Variants in TRIP13 observed in about 807,000 individuals in gnomAD.
The protein encoded by TRIP13 is pachytene checkpoint protein 2 homolog.
Under a neutral mutation model 54.4 loss-of-function variants are expected in TRIP13, and 25 were observed. The ratio of observed to expected loss-of-function variants is 0.46; its 90% confidence interval spans 0.33 to 0.64. TRIP13 has a LOEUF of 0.64. Ranked by LOEUF, TRIP13 falls within the 30% of genes least tolerant of loss-of-function variation. The pLI is 0.02. For synonymous variants in TRIP13, 207 were observed against 207.8 expected (o/e 1.00, Z 0.03); for missense variants, 373 against 534.2 (o/e 0.70, Z 2.97).
chr5:919,119 G>A (rs188028850), downstream of TRIP13: 84 of 152,336 alleles, frequency 5.5e-4, no homozygotes, highest in African/African-American at 1.9e-3. Context: ...TAGCTTGGAA[G>A]GCATGACAGA....
chr5:914,601 A>C, intron 11 of TRIP13, 24 bp downstream of exon 11: 1 of 1,560,002 alleles, frequency 6.4e-7, no homozygotes, highest in Non-Finnish European at 8.8e-7. Flanking sequence ...TCATTTTTGT[A>C]ATCAAGAAGA....
At position 915,808 on chromosome 5, in the gene TRIP13, TGTGTTCCCAGGGATGCCTCGGCCA is replaced by T. The variant is rs1195678948; in HGVS notation, c.1134-95_1134-72del. On this transcript the variant is annotated intron_variant, in intron 11 of 12. Coordinates refer to ENST00000166345, the MANE Select transcript of TRIP13 (RefSeq NM_004237.4). The surrounding 1 kb of genome is among the most constrained non-coding windows in gnomAD (Gnocchi z 4.2). ...AGGGTGTGCTTGGGACGCCTCGGCT[TGTGTTCCCAGGGATGCCTCGGCCA>T]ATGAGGAAAATTAGTCCTGAAACGT... 1 of 1,349,344 alleles carries T rather than the reference TGTGTTCCCAGGGATGCCTCGGCCA, an allele frequency of 7.4e-7. No homozygotes were observed. Among genetic ancestry groups the T allele is most frequent in the Non-Finnish European group, 1.1e-6 (1 of 942,830 alleles). 83.6% of individuals were successfully genotyped at this position (1,349,344 alleles called of 1,614,324 possible).
Position 912,540 on chromosome 5 carries a change from C to T in TRIP13, c.1020+544C>T, listed in dbSNP as rs1394835147. ...AAGGCCGTCGCCACGGGCAGAGCGA[C>T]GCGTGCGGGGAGCGTGTGTGAGTCA... On this transcript the variant is annotated intron_variant, in intron 10 of 12. Transcript: ENST00000166345. The surrounding 1 kb of genome is among the most constrained non-coding windows in gnomAD (Gnocchi z 7.2). Among the ~76,000 whole-genome samples the T allele has an allele frequency of 1.3e-5, 2 of 151,234 alleles. No individual in the cohort carries two copies. Among genetic ancestry groups the T allele is most frequent in the South Asian group, 2.1e-4 (1 of 4,768 alleles).
intron 10 of TRIP13, among the ~76,000 whole-genome samples, chr5:914,128 A>G (rs1430064062): frequency 6.6e-6 from 1 of 152,200 alleles, no homozygotes; most frequent in Non-Finnish European, 1.5e-5. Flanking sequence ...AGGTGGCATA[A>G]CAGACTGGAC....
At position 907,077 on chromosome 5, in the gene TRIP13, G is replaced by T; in HGVS notation, c.609-53G>T. The T allele has an allele frequency of 6.6e-7, 1 of 1,524,050 alleles. No homozygotes were observed. Among genetic ancestry groups the T allele is most frequent in the South Asian group, 1.1e-5 (1 of 88,458 alleles). 94.4% of individuals were successfully genotyped at this position (1,524,050 alleles called of 1,614,324 possible). ...TCAGGACGCGTGAATGGCTGCCGCTGAGGATCCACAGGACCAGTTAGTAAT... is the reference window on the plus strand; with the variant it reads ...TCAGGACGCGTGAATGGCTGCCGCTTAGGATCCACAGGACCAGTTAGTAAT... On this transcript the variant is annotated intron_variant, in intron 6 of 12. Coordinates refer to ENST00000166345, the MANE Select transcript of TRIP13 (RefSeq NM_004237.4). This position sits in a 1 kb window ranked among gnomAD's most constrained non-coding sequence, Gnocchi z 4.1.
rs1181999425 is a variant in TRIP13 at position 892,912 on chromosome 5, G to C, written c.-87G>C. The C allele has an allele frequency of 7.7e-7, 1 of 1,291,054 alleles. No homozygotes were observed. Among genetic ancestry groups the C allele is most frequent in the Non-Finnish European group, 1.0e-6 (1 of 983,282 alleles). 80.0% of individuals were successfully genotyped at this position (1,291,054 alleles called of 1,614,324 possible). On this transcript the variant is annotated 5_prime_UTR_variant, in exon 1 of 13. Coordinates refer to ENST00000166345, the MANE Select transcript of TRIP13 (RefSeq NM_004237.4). ...TTCGAAGCTAGGGCGGGGCCCGCGG[G>C]CTGAGGCAGCGGCTGTGGCGGCGAC... is the stretch of plus-strand genomic sequence containing the variant.
intron 10 of TRIP13, 38 bp from the exon 11 acceptor site, chr5:914,427 G>A: frequency 1.3e-6 from 2 of 1,512,710 alleles, no homozygotes; most frequent in Non-Finnish European, 1.8e-6. Flanking sequence ...TCAGGCCTCT[G>A]TGGACTCAGC....
Position 908,775 on chromosome 5 carries a change from G to T in TRIP13, c.866+314G>T. 1 of 661,762 alleles carries T rather than the reference G, an allele frequency of 1.5e-6. No individual in the cohort carries two copies. Among genetic ancestry groups the T allele is most frequent in the Non-Finnish European group, 2.1e-6 (1 of 485,828 alleles). The allele number at this position is 661,762 out of a possible 1,614,324, so 41.0% of individuals were successfully genotyped here. ...AGATTGAGACCATCCTGGCTGACAC[G>T]GTGAAACCCTGTCTCTACTAAAAAT... On this transcript the variant is annotated intron_variant, in intron 9 of 12. Transcript: ENST00000166345. The surrounding 1 kb of genome is among the most constrained non-coding windows in gnomAD (Gnocchi z 5.2).
Position 912,104 on chromosome 5 carries a change from A to G in TRIP13, c.1020+108A>G. 7.4e-7 allele frequency: 1 copy of G among 1,345,380 alleles called. No homozygotes were observed. The highest frequency in any genetic ancestry group is 1.4e-5 in the South Asian group (1 of 69,392). The allele number at this position is 1,345,380 out of a possible 1,614,324, so 83.3% of individuals were successfully genotyped here. A position where few individuals can be genotyped will look rare whatever the true frequency, so the allele number is the denominator to read the frequency against. ...GTTCCAGTACGGAGGATTTCAACAT[A>G]TGCATTAACTCCCTTCTTAAATTGA... On this transcript the variant is annotated intron_variant, in intron 10 of 12. Coordinates refer to ENST00000166345, the MANE Select transcript of TRIP13 (RefSeq NM_004237.4). The surrounding 1 kb of genome is among the most constrained non-coding windows in gnomAD (Gnocchi z 7.2).
At chr5:904,277 G>A in intron 6 of TRIP13, 57 bp downstream of exon 6, 1 of 1,408,202 alleles carries the variant, frequency 7.1e-7, no homozygotes, top group South Asian at 1.3e-5. Context: ...ATAACGGGAG[G>A]TTGTTTTTTT....
At chr5:896,970 T>C (rs1302156321) in intron 3 of TRIP13, among the ~76,000 whole-genome samples, 176 bp downstream of exon 3, 2 of 152,216 alleles carry the variant, frequency 1.3e-5, no homozygotes, top group Non-Finnish European at 1.5e-5. Flanking sequence ...AGATTTCCAG[T>C]GTGGGACCAT....
chr5:895,887 A>G (rs2150681217), intron 2 of TRIP13, among the ~76,000 whole-genome samples: 1 of 152,394 alleles, frequency 6.6e-6, no homozygotes, highest in African/African-American at 2.4e-5. Context: ...ACTGTCCACC[A>G]GAGGTCAGTT....
chr5:902,501 A>G (rs920084497), intron 5 of TRIP13, among the ~76,000 whole-genome samples: 1 of 152,200 alleles, frequency 6.6e-6, no homozygotes, highest in Non-Finnish European at 1.5e-5. Flanking sequence ...TACCTGCAGA[A>G]AATTAGAGTT....
rs377734782 is a variant in TRIP13, at chr5:908,059, C to T, written c.744C>T (p.Phe248=). 1.2e-5 allele frequency: 20 copies of T among 1,614,056 alleles called. No individual in the cohort carries two copies. The highest frequency in any genetic ancestry group is 6.7e-5 in the Admixed American group (4 of 60,002). Residue 248 remains phenylalanine (F), a synonymous_variant, in exon 8 of 13, where the codon TTC becomes TTT. Transcript: ENST00000166345. The surrounding 1 kb of genome is among the most constrained non-coding windows in gnomAD (Gnocchi z 5.2). ...TTGATGATAAAGACGCCCTGGTGTT[C>T]GTGCTGATTGATGAGGTAGGCATTT... ...DLIDDKDALV[F]VLIDEVESLT... is the part of the protein sequence containing the mutation.
In TRIP13 at chr5:913,522, A is replaced by G. The variant is rs1475582351; in HGVS notation, c.1021-943A>G. On this transcript the variant is annotated intron_variant, in intron 10 of 12. Transcript: ENST00000166345. This position sits in a 1 kb window ranked among gnomAD's most constrained non-coding sequence, Gnocchi z 4.5. ...AGGTGCATGCCACCACACCTGGCTA[A>G]TTTTTGTATTTTCAGTAGAGAAAGG... is the stretch of plus-strand genomic sequence containing the variant. Among the ~76,000 whole-genome samples, 1 of 152,032 alleles carries G rather than the reference A, an allele frequency of 6.6e-6. No individual in the cohort carries two copies. The highest frequency in any genetic ancestry group is 1.5e-5 in the Non-Finnish European group (1 of 68,012).
intron 4 of TRIP13, 123 bp from the exon 5 acceptor site, chr5:901,218 A>C: frequency 1.4e-6 from 1 of 715,314 alleles, no homozygotes; most frequent in East Asian, 2.7e-5. Context: ...ATCTCTTAGG[A>C]GGCGGCCTCG....
chr5:900,360 C>T, intron 3 of TRIP13, 134 bp from the exon 4 acceptor site: 1 of 835,444 alleles, frequency 1.2e-6, no homozygotes, highest in Non-Finnish European at 1.9e-6. Context: ...TTTATACTTT[C>T]CTGTAATCAG....
chr5:893,544 C>A lies in TRIP13; in HGVS notation c.92+454C>A, dbSNP rs537037112. ...ACCCTTTAATTGTTCCCGTTCCTCA[C>A]GGACTCGATGTTAAATTTTTAGGGT... On this transcript the variant is annotated intron_variant, in intron 1 of 12. Transcript: ENST00000166345. The A allele has an allele frequency of 8.5e-5, 16 of 189,278 alleles. No homozygotes were observed. The South Asian group carries it at 1.1e-3, about 14-fold the overall frequency. 11.7% of individuals were successfully genotyped at this position (189,278 alleles called of 1,614,324 possible).
At chr5:893,635 C>T in intron 1 of TRIP13, 1 of 168,868 alleles carries the variant, frequency 5.9e-6, no homozygotes, top group Non-Finnish European at 1.3e-5. Context: ...GTGGGCTGTG[C>T]TGCTCCCTGG....
Sources: gnomAD v4.1 joint callset for allele counts (sites outside exome capture counted in the v4.1 genomes callset) on GRCh38, gnomAD v4.1.1 for gene constraint, Gnocchi (gnomAD v3.1) non-coding constraint, MANE v1.5 for transcripts, NCBI Gene and HGNC (gene_info 2026-07-23, HGNC 2026-07-21) for gene names.